The following GPC5 variants were observed in gnomAD, a reference collection of about 807,000 sequenced individuals.
GPC5 encodes glypican 5.
Under a neutral mutation model 53.9 loss-of-function variants are expected in GPC5, and 47 were observed. The ratio of observed to expected loss-of-function variants is 0.87; its 90% confidence interval spans 0.69 to 1.11. The LOEUF (loss-of-function observed/expected upper bound fraction) is 1.11. Among genes scored for constraint, GPC5 ranks in the 50% most tolerant of loss-of-function variants. GPC5 has a pLI of 0.00. For synonymous variants in GPC5, 286 were observed against 263.3 expected (o/e 1.09, Z -0.84); for missense variants, 748 against 713.1 (o/e 1.05, Z -0.56).
At chr13:92,559,080 A>G (rs1469506606) in intron 7 of GPC5, among the ~76,000 whole-genome samples, 5 of 151,954 alleles carry the variant, frequency 3.3e-5, no homozygotes. Context: ...CAAGAGACCA[A>G]TGCCCACCCT....
chr13:91,993,687 A>G (rs1341543245), intron 6 of GPC5, among the ~76,000 whole-genome samples: 1 of 152,156 alleles, frequency 6.6e-6, no homozygotes, highest in Non-Finnish European at 1.5e-5. Flanking sequence ...TTTTCATGAA[A>G]ATGAAATACT....
chr13:92,832,344 A>T (rs1031195197), intron 7 of GPC5, among the ~76,000 whole-genome samples: 1 of 152,212 alleles, frequency 6.6e-6, no homozygotes, highest in Non-Finnish European at 1.5e-5. Context: ...ATCCATAAAG[A>T]TGGAAGAACT....
chr13:92,782,936 G>T (rs1388825696), intron 7 of GPC5, among the ~76,000 whole-genome samples: 4 of 152,154 alleles, frequency 2.6e-5, no homozygotes, highest in African/African-American at 9.7e-5. Context: ...GTGGAAAATA[G>T]AACTAGTCAA....
At chr13:92,080,053 T>C (rs950724788) in intron 6 of GPC5, among the ~76,000 whole-genome samples, 2 of 152,228 alleles carry the variant, frequency 1.3e-5, no homozygotes, top group African/African-American at 2.4e-5. Flanking sequence ...ATTTTCCACA[T>C]GGGCTACCTG....
chr13:92,812,312 T>C (rs1877325851), intron 7 of GPC5, among the ~76,000 whole-genome samples: 2 of 151,924 alleles, frequency 1.3e-5, no homozygotes, highest in African/African-American at 4.8e-5. Context: ...TTAAACTTTT[T>C]CTAAATATTT....
At chr13:91,557,465 T>A (rs2031023197) in intron 2 of GPC5, among the ~76,000 whole-genome samples, 1 of 152,136 alleles carries the variant, frequency 6.6e-6, no homozygotes, top group South Asian at 2.1e-4. Context: ...GAAAGGGCCT[T>A]GCTGTTATGT....
chr13:92,685,562 T>TAA (rs1566363685), intron 7 of GPC5, among the ~76,000 whole-genome samples: 11 of 69,398 alleles, frequency 1.6e-4, no homozygotes, highest in Admixed American at 3.4e-4. Flanking sequence ...TTTTTTTAAT[T>TAA]TTTTTTTTTT....
chr13:92,014,780 G>A (rs866581256), intron 6 of GPC5, among the ~76,000 whole-genome samples: 1 of 152,076 alleles, frequency 6.6e-6, no homozygotes, highest in Middle Eastern at 3.4e-3. Flanking sequence ...TTTTCCTGAG[G>A]TCATCTATAA....
At chr13:91,767,773 G>A (rs1292297789) in intron 5 of GPC5, among the ~76,000 whole-genome samples, 1 of 152,162 alleles carries the variant, frequency 6.6e-6, no homozygotes, top group African/African-American at 2.4e-5. Context: ...ATAAAAGATA[G>A]CAAGATAAAA....
At chr13:92,724,086 T>C (rs1888573456) in intron 7 of GPC5, among the ~76,000 whole-genome samples, 1 of 151,608 alleles carries the variant, frequency 6.6e-6, no homozygotes, top group Admixed American at 6.6e-5. Flanking sequence ...TTGTATAAGT[T>C]TAAATTTCAT....
At chr13:91,474,068 T>C (rs958138618) in intron 2 of GPC5, among the ~76,000 whole-genome samples, 4 of 152,174 alleles carry the variant, frequency 2.6e-5, no homozygotes, top group Admixed American at 6.6e-5. Context: ...ATCAGGAATG[T>C]TGAAAGCTTT....
chr13:92,299,936 T>G (rs1594082215), intron 7 of GPC5, among the ~76,000 whole-genome samples: 1 of 151,976 alleles, frequency 6.6e-6, no homozygotes, highest in Non-Finnish European at 1.5e-5. Flanking sequence ...AAAAAGGAGG[T>G]TTGTGAGGAT....
rs185435321 is a variant in GPC5, at chr13:91,878,755, C to T, written c.1281-29182C>T. Among the ~76,000 whole-genome samples the T allele has an allele frequency of 2.6e-5, 4 of 152,236 alleles. No homozygotes were observed. The East Asian group carries it at 7.7e-4, about 29-fold the overall frequency. On this transcript the variant is annotated intron_variant, in intron 5 of 7. Coordinates refer to ENST00000377067, the MANE Select transcript of GPC5 (RefSeq NM_004466.6). ...CCCCTTTCCCCATGATTGTAAGTTTCCTGAGACCTCCCCAGCCATGTGGAA... is the reference window on the plus strand; with the variant it reads ...CCCCTTTCCCCATGATTGTAAGTTTTCTGAGACCTCCCCAGCCATGTGGAA...
At chr13:92,475,815 G>C (rs577840634) in intron 7 of GPC5, among the ~76,000 whole-genome samples, 2 of 151,936 alleles carry the variant, frequency 1.3e-5, no homozygotes, top group Non-Finnish European at 2.9e-5. Flanking sequence ...TTTAATAAAT[G>C]GTGCTGGGAA....
At chr13:92,588,504 T>A (rs1433646617) in intron 7 of GPC5, among the ~76,000 whole-genome samples, 1 of 152,244 alleles carries the variant, frequency 6.6e-6, no homozygotes, top group African/African-American at 2.4e-5. Flanking sequence ...TTTGTGAAGA[T>A]CTGCTTTAGA....
At chr13:91,525,490 C>A (rs528335970) in intron 2 of GPC5, among the ~76,000 whole-genome samples, 1 of 151,868 alleles carries the variant, frequency 6.6e-6, no homozygotes, top group African/African-American at 2.4e-5. Flanking sequence ...AGGTTTCTGC[C>A]TGATTTCTTG....
intron 7 of GPC5, among the ~76,000 whole-genome samples, chr13:92,547,964 G>A (rs905440115): frequency 6.7e-6 from 1 of 150,280 alleles, no homozygotes; most frequent in African/African-American, 2.4e-5. Context: ...CGAGGAGCTG[G>A]GACTACAGGT....
chr13:92,609,975 G>A (rs1447037942), intron 7 of GPC5, among the ~76,000 whole-genome samples: 3 of 141,560 alleles, frequency 2.1e-5, no homozygotes, highest in East Asian at 4.4e-4. Flanking sequence ...ACATTGTGGT[G>A]AGCCTAGATC....
intron 6 of GPC5, among the ~76,000 whole-genome samples, chr13:92,087,217 T>G (rs1187809927): frequency 6.6e-6 from 1 of 152,196 alleles, no homozygotes; most frequent in African/African-American, 2.4e-5. Context: ...CTGAGTTAGA[T>G]GTATCAGCAA....
Sources: allele counts gnomAD v4.1 joint callset (sites outside exome capture counted in the v4.1 genomes callset), GRCh38; gene constraint gnomAD v4.1.1; transcripts MANE v1.5; gene names NCBI Gene and HGNC (gene_info 2026-07-23, HGNC 2026-07-21).